The following TENM2 variants were observed in gnomAD, a reference collection of about 807,000 sequenced individuals.
TENM2 encodes the protein teneurin transmembrane protein 2.
TENM2 carries 52 observed loss-of-function variants against 245.2 expected under a neutral mutation model. The ratio of observed to expected loss-of-function variants is 0.21; its 90% CI spans 0.17 to 0.27. The LOEUF is 0.27. Ranked by LOEUF, TENM2 falls within the 10% of genes least tolerant of loss-of-function variation. TENM2 has a pLI of 1.00. For synonymous variants in TENM2, 1,363 were observed against 1,438.9 expected, an observed-to-expected ratio of 0.95 and a Z score of 1.19; for missense variants, 3,046 against 3,666.8, an observed-to-expected ratio of 0.83 and a Z score of 4.37.
intron 2 of TENM2, among the ~76,000 whole-genome samples, chr5:167,556,132 G>C (rs1773246745): frequency 6.6e-6 from 1 of 152,046 alleles, no homozygotes; most frequent in Non-Finnish European, 1.5e-5. Flanking sequence ...TTCCAGCTCA[G>C]TTGAGTTACA....
chr5:168,189,547 G>C (rs1760765236), intron 13 of TENM2, among the ~76,000 whole-genome samples: 1 of 152,168 alleles, frequency 6.6e-6, no homozygotes, highest in Non-Finnish European at 1.5e-5. Context: ...GGGCGTGCAG[G>C]AAGACAGAAC....
chr5:168,136,306 C>T (rs2152388074), intron 12 of TENM2, among the ~76,000 whole-genome samples: 1 of 152,304 alleles, frequency 6.6e-6, no homozygotes, highest in East Asian at 1.9e-4. Flanking sequence ...AAAGCTCACT[C>T]CACACTTTCA....
chr5:168,206,205 G>A (rs983875926), intron 19 of TENM2, among the ~76,000 whole-genome samples: 3 of 152,198 alleles, frequency 2.0e-5, no homozygotes, highest in African/African-American at 7.2e-5. Context: ...GGCCCTGTCT[G>A]GGAGAAATAT....
intron 3 of TENM2, among the ~76,000 whole-genome samples, chr5:167,919,687 G>T (rs1420125919): frequency 1.3e-5 from 2 of 152,172 alleles, no homozygotes; most frequent in Non-Finnish European, 2.9e-5. Flanking sequence ...AGAAGCTGTA[G>T]ATCTAGGTCT....
At position 168,242,542 on chromosome 5, in the gene TENM2, G is replaced by A. The variant is rs537101915; in HGVS notation, c.5521-1878G>A. Among the ~76,000 whole-genome samples, 8 of 150,918 alleles carry A rather than the reference G, an allele frequency of 5.3e-5. No individual in the cohort carries two copies. The South Asian group carries it at 1.7e-3, about 31-fold the overall frequency. On this transcript the variant is annotated intron_variant, in intron 25 of 28. Coordinates refer to ENST00000518659, the Ensembl canonical transcript of TENM2. Reference sequence around the variant, plus strand: ...CTTGAGCAAGTTTTGTAACCACTCTGTTTGAAGCTTTTTTTATCATTTGTC... The same window carrying A: ...CTTGAGCAAGTTTTGTAACCACTCTATTTGAAGCTTTTTTTATCATTTGTC...
At chr5:168,250,626 G>A (rs914053096) in intron 27 of TENM2, among the ~76,000 whole-genome samples, 1 of 152,108 alleles carries the variant, frequency 6.6e-6, no homozygotes, top group Admixed American at 6.6e-5. Flanking sequence ...TCAGTGACAA[G>A]CCCCGGACCT....
chr5:168,219,146 T>A, intron 23 of TENM2, 147 bp downstream of exon 25: 1 of 750,714 alleles, frequency 1.3e-6, no homozygotes, highest in South Asian at 1.9e-5. Context: ...GACATTCATG[T>A]CCCCTCTCCC....
At chr5:168,075,179 A>G (rs1791360951) in intron 7 of TENM2, among the ~76,000 whole-genome samples, 1 of 152,170 alleles carries the variant, frequency 6.6e-6, no homozygotes, top group Non-Finnish European at 1.5e-5. Context: ...GAGTGAGAAC[A>G]TACAATGTTT....
chr5:168,201,449 A>G (rs1468994855), intron 17 of TENM2, among the ~76,000 whole-genome samples: 1 of 152,072 alleles, frequency 6.6e-6, no homozygotes, highest in Non-Finnish European at 1.5e-5. Context: ...AGCTCCTGCC[A>G]TTATCAACTC....
At chr5:168,090,970 AC>A (rs1792891795) in intron 8 of TENM2, among the ~76,000 whole-genome samples, 3 of 152,144 alleles carry the variant, frequency 2.0e-5, no homozygotes, top group Admixed American at 1.3e-4. Flanking sequence ...TGAAAAATTC[AC>A]CAAGGATGAA....
At chr5:167,444,069 T>A (rs748000157) in intron 2 of TENM2, among the ~76,000 whole-genome samples, 5 of 152,152 alleles carry the variant, frequency 3.3e-5, no homozygotes, top group Non-Finnish European at 5.9e-5. Flanking sequence ...TTGTAGTGAC[T>A]ATTATTATGG....
At chr5:167,266,129 C>A in the TENM2 span, among the ~76,000 whole-genome samples, 1 of 152,134 alleles carries the variant, frequency 6.6e-6, no homozygotes, top group Non-Finnish European at 1.5e-5. Context: ...CCTCTTCTTT[C>A]GGCGTCTCTT....
rs199603599 is a variant in TENM2 at position 168,065,623 on chromosome 5, A to AT, written c.1515+3365dup. On this transcript the variant is annotated intron_variant, in intron 7 of 28. Transcript: ENST00000518659. ...TAGATAGGCAATTATACAAATATAG[A>AT]TTTTTTTAATAAATTAATTTCTAGT... is the stretch of plus-strand genomic sequence containing the variant. 9.0e-3 allele frequency among the ~76,000 whole-genome samples: 1,377 copies of AT among 152,160 alleles called. 23 individuals are homozygous for AT. The highest frequency in any genetic ancestry group is 0.032 in the African/African-American group (1,316 of 41,528).
intron 2 of TENM2, among the ~76,000 whole-genome samples, chr5:167,678,351 A>T (rs576091502): frequency 1.3e-5 from 2 of 152,286 alleles, no homozygotes; most frequent in East Asian, 3.9e-4. Flanking sequence ...TCCTTTTAAA[A>T]TAAGCCATTA....
chr5:167,363,614 C>T (rs527551316), intron 1 of TENM2, among the ~76,000 whole-genome samples: 1 of 150,440 alleles, frequency 6.6e-6, no homozygotes, highest in Admixed American at 6.6e-5. Context: ...GCCTGTAGTC[C>T]CAGCTACTCG....
At chr5:166,995,407 A>AT in the TENM2 span, among the ~76,000 whole-genome samples, 3 of 151,462 alleles carry the variant, frequency 2.0e-5, no homozygotes, top group Admixed American at 6.6e-5. Context: ...GCCTGGCTAA[A>AT]TTTTTTTGTA....
chr5:167,643,278 G>T (rs564137700), intron 2 of TENM2, among the ~76,000 whole-genome samples: 3 of 152,082 alleles, frequency 2.0e-5, no homozygotes, highest in African/African-American at 7.2e-5. Context: ...CCCACACCCC[G>T]CCCTAGGCAA....
intron 3 of TENM2, among the ~76,000 whole-genome samples, chr5:167,947,769 T>C (rs944182382): frequency 6.6e-6 from 1 of 152,236 alleles, no homozygotes; most frequent in Non-Finnish European, 1.5e-5. Context: ...ATTTGTCATC[T>C]GAGGGTCTGA....
chr5:168,153,147 G>T (rs1285486670), intron 12 of TENM2, among the ~76,000 whole-genome samples: 1 of 152,108 alleles, frequency 6.6e-6, no homozygotes, highest in Admixed American at 6.5e-5. Context: ...GGGTTTGGAG[G>T]CTCCCAGGAA....
Sources: allele counts gnomAD v4.1 joint callset (sites outside exome capture counted in the v4.1 genomes callset), GRCh38; gene constraint gnomAD v4.1.1; transcripts MANE v1.5; gene names NCBI Gene and HGNC (gene_info 2026-07-23, HGNC 2026-07-21).